KIF6: variants seen among roughly 807,000 people sequenced by gnomAD.
The protein encoded by KIF6 is kinesin family member 6, also known as kinesin-like protein KIF6.
In KIF6, 106 loss-of-function variants were observed where a neutral mutation model predicts 112.7. That is an observed-to-expected ratio of 0.94 (90% CI 0.80 to 1.11). The LOEUF is 1.11. Ranked by LOEUF, KIF6 falls within the 50% of genes least tolerant of loss-of-function variation. The probability of loss-of-function intolerance (pLI) is 0.00; values close to 1 mark genes in which losing one functional copy is unlikely to be tolerated. For missense variants in KIF6, 929 were observed against 964.0 expected (o/e 0.96, Z 0.48); for synonymous variants, 339 against 339.9 (o/e 1.00, Z 0.03).
rs728217 is a variant in KIF6 at position 39,334,142 on chromosome 6, T to C, written c.*2390A>G. 86,192 of 152,210 alleles carry C rather than the reference T, an allele frequency of 0.57. 26,555 individuals carry two copies. Among genetic ancestry groups the C allele is most frequent in the African/African-American group, 0.83 (34,453 of 41,530 alleles). The allele number at this position is 152,210 out of a possible 1,614,324, so 9.4% of individuals were successfully genotyped here. On this transcript the variant is annotated 3_prime_UTR_variant, in exon 23 of 23. Coordinates refer to ENST00000287152, the MANE Select transcript of KIF6 (RefSeq NM_145027.6). ...GACACCAGTGGCCCCAGATCCCATG[T>C]TGTGTGTTTTTCTGTCTTCATTTCC...
intron 13 of KIF6, among the ~76,000 whole-genome samples, chr6:39,486,638 T>C (rs1160423728): frequency 6.6e-6 from 1 of 152,220 alleles, no homozygotes; most frequent in Non-Finnish European, 1.5e-5. Flanking sequence ...AAGAAATACA[T>C]TTGCCGCAAA....
At chr6:39,495,395 T>C (rs1179479426) in intron 13 of KIF6, among the ~76,000 whole-genome samples, 1 of 152,146 alleles carries the variant, frequency 6.6e-6, no homozygotes, top group Non-Finnish European at 1.5e-5. Flanking sequence ...CAGTGGGAAC[T>C]TCCTCAGCAG....
intron 10 of KIF6, among the ~76,000 whole-genome samples, chr6:39,560,600 T>C (rs767210956): frequency 2.0e-5 from 3 of 152,240 alleles, no homozygotes; most frequent in Non-Finnish European, 2.9e-5. Flanking sequence ...CAGTCAAAAG[T>C]AATTTCTATT....
intron 22 of KIF6, among the ~76,000 whole-genome samples, chr6:39,341,891 T>C (rs1007081659): frequency 6.6e-6 from 1 of 151,692 alleles, no homozygotes; most frequent in African/African-American, 2.4e-5. Context: ...TGGTAACTGG[T>C]CTACCCTTGG....
chr6:39,640,822 G>A (rs111954406), intron 3 of KIF6, among the ~76,000 whole-genome samples: 1 of 152,078 alleles, frequency 6.6e-6, no homozygotes, highest in African/African-American at 2.4e-5. Flanking sequence ...ACCACCTTAT[G>A]CAACTATTAA....
At chr6:39,535,396 AG>A (rs1345339237) in intron 13 of KIF6, among the ~76,000 whole-genome samples, 2 of 152,092 alleles carry the variant, frequency 1.3e-5, no homozygotes, top group Admixed American at 1.3e-4. Context: ...AAACAAAAAA[AG>A]GCAGGGGTTG....
rs1419552587 is a variant in KIF6 at position 39,375,982 on chromosome 6, G to T, written c.1861+9640C>A. 5.9e-5 allele frequency among the ~76,000 whole-genome samples: 9 copies of T among 152,306 alleles called. No individual in the cohort carries two copies. In the East Asian group the frequency reaches 1.7e-3, roughly 29 times the overall value. ...ATGGGTCTGAACCCTTGGCAGTTGG[G>T]AACTGGCAGGGAAATGGTGTGCAGG... On this transcript the variant is annotated intron_variant, in intron 16 of 22. Transcript: ENST00000287152.
chr6:39,381,650 GGGACACAC>G (rs1766961116), intron 16 of KIF6, among the ~76,000 whole-genome samples: 1 of 152,104 alleles, frequency 6.6e-6, no homozygotes, highest in Non-Finnish European at 1.5e-5. Flanking sequence ...GCGGCCACCT[GGGACACAC>G]AAGCTCTGGC....
intron 3 of KIF6, among the ~76,000 whole-genome samples, chr6:39,642,696 C>A (rs760496782): frequency 6.6e-6 from 1 of 152,022 alleles, no homozygotes; most frequent in Admixed American, 6.6e-5. Flanking sequence ...AAGAACGTAA[C>A]CAAAAACTTA....
intron 13 of KIF6, 35 bp downstream of exon 13, chr6:39,539,968 G>C: frequency 6.7e-7 from 1 of 1,492,326 alleles, no homozygotes; most frequent in Admixed American, 2.0e-5. Context: ...ATCCATTACA[G>C]ACAATGAGAA....
At chr6:39,608,238 A>T (rs1051276887) in intron 6 of KIF6, among the ~76,000 whole-genome samples, 2 of 152,212 alleles carry the variant, frequency 1.3e-5, no homozygotes, top group African/African-American at 4.8e-5. Context: ...GGTTTATGAC[A>T]TGGGGTTATG....
intron 13 of KIF6, among the ~76,000 whole-genome samples, chr6:39,432,351 A>C (rs532731283): frequency 4.3e-4 from 66 of 152,296 alleles, no homozygotes; most frequent in African/African-American, 1.4e-3. Flanking sequence ...GTCCAGGGTT[A>C]GTGAGGCTCA....
intron 13 of KIF6, among the ~76,000 whole-genome samples, chr6:39,513,976 G>A (rs1009597872): frequency 2.6e-5 from 4 of 151,870 alleles, no homozygotes; most frequent in African/African-American, 4.8e-5. Flanking sequence ...AACAAAAAAT[G>A]TTGAGATAAA....
intron 13 of KIF6, among the ~76,000 whole-genome samples, chr6:39,447,721 T>C (rs1581877829): frequency 6.6e-6 from 1 of 152,328 alleles, no homozygotes; most frequent in South Asian, 2.1e-4. Context: ...TCAATTTCTT[T>C]GGTCCCTTTT....
At position 39,343,795 on chromosome 6, in the gene KIF6, G is replaced by C. The variant is rs180943940; in HGVS notation, c.2342C>G (p.Ser781Trp). The change falls in exon 22 of 23, where the codon TCG (serine) becomes TGG (tryptophan). Residue 781 changes from serine to tryptophan, a missense_variant. Ser to Trp is a radical substitution (Grantham distance 177). Coordinates refer to ENST00000287152, the MANE Select transcript of KIF6 (RefSeq NM_145027.6). The surrounding 1 kb of genome is among the most constrained non-coding windows in gnomAD (Gnocchi z 4.1). Reference sequence around the variant, plus strand: ...GCTGTCTCCGGTGAGAGGGATGGACGACACTGGCCTCTTGGGGATGCTGGA... The same window carrying C: ...GCTGTCTCCGGTGAGAGGGATGGACCACACTGGCCTCTTGGGGATGCTGGA... Reference protein sequence around the residue: ...LEDSIPKRPVSSIPLTGDSQT... With the variant: ...LEDSIPKRPVWSIPLTGDSQT... 5 of 1,609,884 alleles carry C rather than the reference G, an allele frequency of 3.1e-6. No individual in the cohort carries two copies. The highest frequency in any genetic ancestry group is 3.4e-6 in the Non-Finnish European group (4 of 1,178,120).
At chr6:39,470,796 C>G (rs527380158) in intron 13 of KIF6, among the ~76,000 whole-genome samples, 1 of 145,824 alleles carries the variant, frequency 6.9e-6, no homozygotes, top group South Asian at 2.1e-4. Context: ...TCCCAGCATG[C>G]AAATGCACTC....
rs758567725 is a variant in KIF6, at chr6:39,346,405, C to T, written c.2231+71G>A. The T allele has an allele frequency of 1.0e-4, 74 of 716,044 alleles. No homozygotes were observed. The African/African-American group carries it at 1.2e-3, about 11-fold the overall frequency. The allele number at this position is 716,044 out of a possible 1,614,324, so 44.4% of individuals were successfully genotyped here. ...TTATAAAAGAGACATTGGAGAGCTC[C>T]CTTGCCCCTTCCACCATGTGAGGAT... On this transcript the variant is annotated intron_variant, in intron 20 of 22. Transcript: ENST00000287152.
In KIF6 at chr6:39,575,477, G is replaced by A. The variant is rs565845904; in HGVS notation, c.1181+2579C>T. On this transcript the variant is annotated intron_variant, in intron 10 of 22. Transcript: ENST00000287152. ...TAGTAGAGATGGGTTTCACCATGTT[G>A]GCCAGGATGGTCTCGATCTCCTGAC... Among the ~76,000 whole-genome samples, 229 of 152,032 alleles carry A rather than the reference G, an allele frequency of 1.5e-3. 5 individuals are homozygous for A. The East Asian group carries it at 0.032, about 21-fold the overall frequency.
At chr6:39,542,278 C>G (rs1778830507) in intron 12 of KIF6, among the ~76,000 whole-genome samples, 2 of 152,164 alleles carry the variant, frequency 1.3e-5, no homozygotes, top group South Asian at 4.2e-4. Flanking sequence ...GTCTTCTTGT[C>G]CTCCCTATTC....
Sources: allele counts gnomAD v4.1 joint callset (sites outside exome capture counted in the v4.1 genomes callset), GRCh38; gene constraint gnomAD v4.1.1; non-coding constraint Gnocchi (gnomAD v3.1); transcripts MANE v1.5; gene names NCBI Gene and HGNC (gene_info 2026-07-23, HGNC 2026-07-21).